PHYHD1: variants seen among roughly 807,000 people sequenced by gnomAD.
PHYHD1 encodes the protein phytanoyl-CoA dioxygenase domain containing 1.
In PHYHD1, 42 loss-of-function variants were observed where a neutral mutation model predicts 43.6. The observed-to-expected ratio is 0.96, with a 90% confidence interval of 0.75 to 1.25. The LOEUF is 1.25. Among genes scored for constraint, PHYHD1 ranks in the 50% most tolerant of loss-of-function variants. The probability of loss-of-function intolerance (pLI) is 0.00; values close to 1 mark genes in which losing one functional copy is unlikely to be tolerated. For missense variants in PHYHD1, 342 were observed against 370.8 expected, an observed-to-expected ratio of 0.92 and a Z score of 0.64; for synonymous variants, 139 against 143.6, an observed-to-expected ratio of 0.97 and a Z score of 0.23.
chr9:128,932,143 T>G (rs1259181468), intron 4 of PHYHD1, among the ~76,000 whole-genome samples: 2 of 148,448 alleles, frequency 1.3e-5, no homozygotes, highest in East Asian at 3.9e-4. Flanking sequence ...CCTGGGGAAG[T>G]CAGTTCTATT....
At chr9:128,922,159 C>A in intron 2 of PHYHD1, 112 bp downstream of exon 2, 1 of 695,016 alleles carries the variant, frequency 1.4e-6, no homozygotes, top group East Asian at 3.0e-5. Flanking sequence ...GGGAGATTAG[C>A]CTGGAGGTCA....
chr9:128,922,352 A>G lies in PHYHD1; in HGVS notation c.29A>G (p.Gln10Arg), dbSNP rs1841019355. 1 of 1,549,548 alleles carries G rather than the reference A, an allele frequency of 6.5e-7. No homozygotes were observed. Among genetic ancestry groups the G allele is most frequent in the African/African-American group, 1.4e-5 (1 of 73,110 alleles). ...GCCTGCCTGAGCCCCTCGCAGCTCC[A>G]GAAGGTAGGAGCCTGCAAGTCGGGG... The part of the protein sequence containing the change: MACLSPSQL[Q>R]KFQQDGFLVL... The change falls in exon 3 of 13, where the codon CAG becomes CGG. Residue 10 changes from glutamine (Q) to arginine (R), a missense_variant. By Grantham distance (43) the Gln-to-Arg change is conservative. Transcript: ENST00000372592.
intron 4 of PHYHD1, among the ~76,000 whole-genome samples, chr9:128,932,178 A>ATTTTTTTTTT (rs200138931): frequency 3.7e-5 from 4 of 107,894 alleles, no homozygotes; most frequent in African/African-American, 9.0e-5. Context: ...TGTTATTATT[A>ATTTTTTTTTT]TTATTATTTT....
Position 128,937,754 on chromosome 9 carries a change from C to A in PHYHD1, c.436-3C>A, listed in dbSNP as rs1463810799. The stretch of plus-strand genomic sequence containing the variant: ...CTCACCAGGCTTTTCCTCTCTCTTG[C>A]AGCAACCTCACTTTGGCGGTGAAGG... On this transcript the variant is annotated splice_polypyrimidine_tract_variant and splice_region_variant and intron_variant, in intron 8 of 12. Transcript: ENST00000372592. 1 of 1,614,018 alleles carries A rather than the reference C, an allele frequency of 6.2e-7. No homozygotes were observed. The highest frequency in any genetic ancestry group is 1.3e-5 in the African/African-American group (1 of 75,060).
At position 128,941,928 on chromosome 9, in the gene PHYHD1, A is replaced by C. The variant is rs968495626; in HGVS notation, c.*215A>C. 12 of 619,192 alleles carry C rather than the reference A, an allele frequency of 1.9e-5. No homozygotes were observed. The highest frequency in any genetic ancestry group is 3.1e-5 in the Non-Finnish European group (11 of 356,356). The allele number at this position is 619,192 out of a possible 1,614,324, so 38.4% of individuals were successfully genotyped here. A position where few individuals can be genotyped will look rare whatever the true frequency, so the allele number is the denominator to read the frequency against. On this transcript the variant is annotated 3_prime_UTR_variant, in exon 13 of 13. Coordinates refer to ENST00000372592, the MANE Select transcript of PHYHD1 (RefSeq NM_001100876.2). ...CTACTGCCCCAACATAGCCTTGAGG[A>C]GGCTTCTCAGCCACCAAAGGGTTCT...
In PHYHD1 at chr9:128,937,745, T is replaced by A; in HGVS notation, c.436-12T>A. ...TCTTCTGTCCTCACCAGGCTTTTCC[T>A]CTCTCTTGCAGCAACCTCACTTTGG... On this transcript the variant is annotated splice_polypyrimidine_tract_variant and intron_variant, in intron 8 of 12. Coordinates refer to ENST00000372592, the MANE Select transcript of PHYHD1 (RefSeq NM_001100876.2). 1 of 1,613,926 alleles carries A rather than the reference T, an allele frequency of 6.2e-7. No homozygotes were observed. The highest frequency in any genetic ancestry group is 8.5e-7 in the Non-Finnish European group (1 of 1,180,018).
In PHYHD1 at chr9:128,933,841, C is replaced by T. The variant is rs2131109449; in HGVS notation, c.252C>T (p.Gly84=). 3.1e-6 allele frequency: 5 copies of T among 1,614,032 alleles called. No individual in the cohort carries two copies. Among genetic ancestry groups the T allele is most frequent in the Non-Finnish European group, 4.2e-6 (5 of 1,179,926 alleles). ...GDKIRFFFEK[G]VFDEKGNFLV... ...AGATTCGATTCTTCTTTGAGAAAGGCGTTTTTGATGAGAAAGGTTTGGAGC... is the reference window on the plus strand; with the variant it reads ...AGATTCGATTCTTCTTTGAGAAAGGTGTTTTTGATGAGAAAGGTTTGGAGC... The change falls in exon 5 of 13, where the codon GGC becomes GGT. Residue 84 remains glycine, a synonymous_variant. Transcript: ENST00000372592.
intron 4 of PHYHD1, among the ~76,000 whole-genome samples, chr9:128,932,517 G>A (rs1238040412): frequency 4.6e-5 from 7 of 151,894 alleles, no homozygotes; most frequent in South Asian, 4.1e-4. Context: ...ACAGGCATGC[G>A]CCACCATGCC....
intron 4 of PHYHD1, among the ~76,000 whole-genome samples, chr9:128,929,038 C>G (rs1841207085): frequency 1.3e-5 from 2 of 152,182 alleles, no homozygotes; most frequent in South Asian, 4.2e-4. Context: ...GTGGATAGAA[C>G]AGTTGGGCAG....
In PHYHD1 at chr9:128,941,906, C is replaced by A. The variant is rs576759378; in HGVS notation, c.*193C>A. ...AGATCTTCACCTCTCTGCCTCCCTA[C>A]TGCCCCAACATAGCCTTGAGGAGGC... On this transcript the variant is annotated 3_prime_UTR_variant, in exon 13 of 13. Transcript: ENST00000372592. The A allele has an allele frequency of 5.1e-5, 35 of 690,550 alleles. 1 individual carries two copies. In the South Asian group the frequency reaches 6.3e-4, roughly 12 times the overall value. The allele number at this position is 690,550 out of a possible 1,614,324, so 42.8% of individuals were successfully genotyped here.
At chr9:128,940,738 G>C in intron 11 of PHYHD1, 23 bp downstream of exon 11, 2 of 1,609,050 alleles carry the variant, frequency 1.2e-6, no homozygotes, top group Non-Finnish European at 1.7e-6. Flanking sequence ...AGAGGGCAGA[G>C]AGGCAGGGGG....
intron 9 of PHYHD1, among the ~76,000 whole-genome samples, chr9:128,939,263 C>G (rs1841496368): frequency 7.9e-6 from 1 of 127,148 alleles, no homozygotes; most frequent in Non-Finnish European, 1.8e-5. Flanking sequence ...TGTGCCCCAG[C>G]ATCGTGTGGG....
Position 128,927,191 on chromosome 9 carries a change from G to T in PHYHD1, c.187G>T (p.Ala63Ser). 6.2e-7 allele frequency: 1 copy of T among 1,613,918 alleles called. No homozygotes were observed. The highest frequency in any genetic ancestry group is 8.5e-7 in the Non-Finnish European group (1 of 1,179,978). Residue 63 changes from alanine (A) to serine (S), a missense_variant, in exon 4 of 13, where the codon GCC becomes TCC. By Grantham distance (99) the Ala-to-Ser change is moderately conservative. Coordinates refer to ENST00000372592, the MANE Select transcript of PHYHD1 (RefSeq NM_001100876.2). ...FSTQEEEQLRAQGSTDYFLSS... is the reference protein window; with the variant it reads ...FSTQEEEQLRSQGSTDYFLSS... ...CACCCAGGAAGAGGAGCAGCTTCGA[G>T]CCCAGGTAGGTGTCTGGGGCACATG... is the stretch of plus-strand genomic sequence containing the variant.
intron 8 of PHYHD1, among the ~76,000 whole-genome samples, 189 bp from the exon 9 acceptor site, chr9:128,937,568 G>A (rs12686860): frequency 0.39 from 59,343 of 151,980 alleles, 11,768 homozygotes; most frequent in Admixed American, 0.43. Context: ...TTGTTGGGCA[G>A]GGGTGGGGGT....
At chr9:128,924,827 C>T (rs1335803497) in intron 3 of PHYHD1, among the ~76,000 whole-genome samples, 1 of 151,886 alleles carries the variant, frequency 6.6e-6, no homozygotes, top group African/African-American at 2.4e-5. Context: ...TCCAACTACT[C>T]GGGAGGCTGA....
intron 4 of PHYHD1, among the ~76,000 whole-genome samples, chr9:128,930,846 G>C (rs1173284991): frequency 2.0e-5 from 3 of 151,354 alleles, no homozygotes; most frequent in Non-Finnish European, 4.4e-5. Flanking sequence ...CTACTCGGGA[G>C]GCTGAGGCAG....
At chr9:128,934,395 TA>T (rs57287662) in intron 6 of PHYHD1, among the ~76,000 whole-genome samples, 3,011 of 120,506 alleles carry the variant, frequency 0.025, 88 homozygotes, top group African/African-American at 0.076. Context: ...GAAACCCTGT[TA>T]AAAAAAAAAA....
At chr9:128,941,321 G>A (rs956055927) in intron 11 of PHYHD1, 124 bp from the exon 12 acceptor site, 4 of 1,315,984 alleles carry the variant, frequency 3.0e-6, no homozygotes, top group East Asian at 2.3e-5. Flanking sequence ...AGCTTTCAGG[G>A]AAGGGAATGG....
chr9:128,933,598 G>A (rs1841352205), intron 4 of PHYHD1, 184 bp from the exon 5 acceptor site: 1 of 710,600 alleles, frequency 1.4e-6, no homozygotes, highest in Non-Finnish European at 2.6e-6. Flanking sequence ...GCATCTTTGG[G>A]GTGTGCTTCC....
Sources: gnomAD v4.1 joint callset for allele counts (sites outside exome capture counted in the v4.1 genomes callset) on GRCh38, gnomAD v4.1.1 for gene constraint, MANE v1.5 for transcripts, NCBI Gene and HGNC (gene_info 2026-07-23, HGNC 2026-07-21) for gene names.